The following SRPK1 variants were observed in gnomAD, a reference collection of about 807,000 sequenced individuals.
SRPK1 encodes the protein SFRS protein kinase 1.
A neutral mutation model predicts 89.5 loss-of-function variants in SRPK1; 52 were observed. The ratio of observed to expected loss-of-function variants is 0.58; its 90% CI spans 0.46 to 0.73. SRPK1 has a LOEUF of 0.73. SRPK1 is among the 30% of genes least tolerant of loss of function. The pLI is 0.00. For missense variants in SRPK1, 603 were observed against 780.6 expected (o/e 0.77, Z 2.71); for synonymous variants, 255 against 270.2 (o/e 0.94, Z 0.55).
chr6:35,874,833 A>T (rs549614560), intron 6 of SRPK1, among the ~76,000 whole-genome samples: 13 of 151,852 alleles, frequency 8.6e-5, no homozygotes, highest in Non-Finnish European at 1.5e-4. Flanking sequence ...AAATGCCAAC[A>T]TTTTTTTTTA....
chr6:35,875,605 G>C (rs973707235), intron 6 of SRPK1, among the ~76,000 whole-genome samples: 1 of 152,078 alleles, frequency 6.6e-6, no homozygotes, highest in Non-Finnish European at 1.5e-5. Flanking sequence ...GGAGGCAGGA[G>C]GAAGAGAAAC....
intron 15 of SRPK1, among the ~76,000 whole-genome samples, 178 bp downstream of exon 15, chr6:35,838,159 C>T (rs370780082): frequency 1.2e-4 from 19 of 152,062 alleles, no homozygotes; most frequent in South Asian, 1.2e-3. Context: ...TGAGCCACCG[C>T]GCCCGGCTCA....
intron 14 of SRPK1, among the ~76,000 whole-genome samples, chr6:35,839,064 G>A (rs1769245730): frequency 6.6e-6 from 1 of 152,184 alleles, no homozygotes; most frequent in Non-Finnish European, 1.5e-5. Context: ...AGGTTCTTTA[G>A]GTAAGATAAA....
intron 8 of SRPK1, among the ~76,000 whole-genome samples, chr6:35,871,593 A>G (rs1291270976): frequency 6.6e-6 from 1 of 152,052 alleles, no homozygotes; most frequent in Non-Finnish European, 1.5e-5. Context: ...CCAACTCCCC[A>G]TTTCCCCCTT....
intron 13 of SRPK1, among the ~76,000 whole-genome samples, chr6:35,855,809 A>T (rs750528836): frequency 6.6e-6 from 1 of 152,194 alleles, no homozygotes; most frequent in Admixed American, 6.5e-5. Flanking sequence ...ATCTTGGCTC[A>T]CTGCAACCTC....
intron 3 of SRPK1, among the ~76,000 whole-genome samples, chr6:35,890,212 G>C (rs1191007758): frequency 6.6e-6 from 1 of 152,168 alleles, no homozygotes; most frequent in African/African-American, 2.4e-5. Context: ...GCAGTGAGCT[G>C]AGATCGTGCC....
intron 6 of SRPK1, among the ~76,000 whole-genome samples, chr6:35,879,782 G>A (rs968813744): frequency 6.6e-6 from 1 of 152,066 alleles, no homozygotes; most frequent in African/African-American, 2.4e-5. Flanking sequence ...ATGTCTTAAA[G>A]ATGCTTAGGC....
chr6:35,916,581 A>G (rs1485121680), intron 2 of SRPK1, among the ~76,000 whole-genome samples: 3 of 152,170 alleles, frequency 2.0e-5, no homozygotes, highest in African/African-American at 7.2e-5. Flanking sequence ...TATATCTCCC[A>G]AATGACTCCA....
At chr6:35,907,697 C>T (rs377419168) in intron 2 of SRPK1, among the ~76,000 whole-genome samples, 1 of 145,730 alleles carries the variant, frequency 6.9e-6, no homozygotes, top group Non-Finnish European at 1.5e-5. Flanking sequence ...GAGAACAAAA[C>T]TCCGTCTCAA....
At chr6:35,878,725 T>G (rs552686938) in intron 6 of SRPK1, among the ~76,000 whole-genome samples, 31 of 152,294 alleles carry the variant, frequency 2.0e-4, no homozygotes, top group African/African-American at 7.5e-4. Context: ...TGCAAAGATT[T>G]AAAGGGCCAG....
chr6:35,850,046 A>G (rs995769666), intron 13 of SRPK1, among the ~76,000 whole-genome samples: 29 of 152,300 alleles, frequency 1.9e-4, no homozygotes, highest in African/African-American at 6.5e-4. Context: ...TGGTGGTTAC[A>G]GAGACTGGGG....
At chr6:35,880,935 T>C (rs1021335619) in intron 6 of SRPK1, among the ~76,000 whole-genome samples, 7 of 151,834 alleles carry the variant, frequency 4.6e-5, no homozygotes, top group African/African-American at 1.7e-4. Context: ...AGAGGGAATC[T>C]TGAAAGCATC....
At chr6:35,843,527 T>G (rs1769362737) in intron 13 of SRPK1, among the ~76,000 whole-genome samples, 1 of 151,796 alleles carries the variant, frequency 6.6e-6, no homozygotes, top group South Asian at 2.1e-4. Context: ...CTCAGCTCAC[T>G]GCAACTTCTG....
At chr6:35,878,709 T>C (rs1770212945) in intron 6 of SRPK1, among the ~76,000 whole-genome samples, 2 of 152,312 alleles carry the variant, frequency 1.3e-5, no homozygotes, top group African/African-American at 4.8e-5. Flanking sequence ...CTGGCTCAAG[T>C]GATCTTGCAA....
chr6:35,882,117 ACTAG>A (rs1189316897), intron 6 of SRPK1, among the ~76,000 whole-genome samples: 1 of 100,318 alleles, frequency 1.0e-5, no homozygotes, highest in Non-Finnish European at 2.1e-5. Flanking sequence ...TAGTAGTAGT[ACTAG>A]TAGTAGTAGT....
At chr6:35,861,534 G>A (rs1376559944) in intron 12 of SRPK1, among the ~76,000 whole-genome samples, 1 of 152,196 alleles carries the variant, frequency 6.6e-6, no homozygotes, top group Non-Finnish European at 1.5e-5. Flanking sequence ...TCCTGGGAGG[G>A]TCCCTATCAC....
chr6:35,895,925 G>C (rs1050793862), intron 2 of SRPK1, among the ~76,000 whole-genome samples: 18 of 152,188 alleles, frequency 1.2e-4, no homozygotes, highest in Non-Finnish European at 7.3e-5. Flanking sequence ...GAGATTCCTG[G>C]AGGGTGGTAC....
intron 6 of SRPK1, among the ~76,000 whole-genome samples, chr6:35,883,576 T>C (rs1452320162): frequency 6.6e-6 from 1 of 152,146 alleles, no homozygotes; most frequent in Non-Finnish European, 1.5e-5. Context: ...AATGTTTTAA[T>C]TTGTAAGCAG....
intron 2 of SRPK1, 109 bp from the exon 3 acceptor site, chr6:35,891,122 G>T: frequency 7.9e-7 from 1 of 1,259,898 alleles, no homozygotes; most frequent in Non-Finnish European, 1.0e-6. Flanking sequence ...TATGAACAGA[G>T]TATTACCAAG....
Sources: allele counts gnomAD v4.1 joint callset (sites outside exome capture counted in the v4.1 genomes callset), GRCh38; gene constraint gnomAD v4.1.1; transcripts MANE v1.5; gene names NCBI Gene and HGNC (gene_info 2026-07-23, HGNC 2026-07-21).